SRRM4: variants seen among roughly 807,000 people sequenced by gnomAD.
SRRM4 encodes the protein serine/arginine repetitive matrix protein 4.
Under a neutral mutation model 68.9 loss-of-function variants are expected in SRRM4, and 33 were observed. That is an observed-to-expected ratio of 0.48 (90% confidence interval 0.36 to 0.64). The LOEUF (loss-of-function observed/expected upper bound fraction) is 0.64, where lower values mean the gene tolerates loss of function less well. SRRM4 is among the 30% of genes least tolerant of loss of function. The probability of loss-of-function intolerance (pLI) is 0.00; values close to 1 mark genes in which losing one functional copy is unlikely to be tolerated. For missense variants in SRRM4, 817 were observed against 827.1 expected, an observed-to-expected ratio of 0.99 and a Z score of 0.15; for synonymous variants, 318 against 318.8, an observed-to-expected ratio of 1.00 and a Z score of 0.03.
chr12:119,119,601 G>A (rs1001495465), intron 4 of SRRM4, among the ~76,000 whole-genome samples: 5 of 152,008 alleles, frequency 3.3e-5, no homozygotes, highest in South Asian at 2.1e-4. Flanking sequence ...TTCTCTGATC[G>A]TCAGTGTTTT....
chr12:119,056,883 C>G (rs2136019501), intron 1 of SRRM4, among the ~76,000 whole-genome samples: 1 of 152,260 alleles, frequency 6.6e-6, no homozygotes, highest in East Asian at 1.9e-4. Context: ...AGCAGAGACC[C>G]ACCTGTCTTG....
chr12:119,001,873 C>G (rs982176321), intron 1 of SRRM4: 1 of 151,552 alleles, frequency 6.6e-6, no homozygotes, highest in Non-Finnish European at 1.5e-5. Flanking sequence ...GTCCCAGCTA[C>G]TTGGGAGGCT....
Position 119,033,602 on chromosome 12 carries a change from C to T in SRRM4, c.131+51589C>T, listed in dbSNP as rs537303517. Among the ~76,000 whole-genome samples, 51 of 151,406 alleles carry T rather than the reference C, an allele frequency of 3.4e-4. 1 individual carries two copies. The highest frequency in any genetic ancestry group is 1.2e-3 in the African/African-American group (48 of 41,228). On this transcript the variant is annotated intron_variant, in intron 1 of 12. Transcript: ENST00000267260. ...TCGCTTGAACCCAAGAGGCGGAGGT[C>T]GCCGTGAGCAGAGAATATTCCACTG...
In SRRM4 at chr12:119,125,554, C is replaced by T. The variant is rs1189588981; in HGVS notation, c.614+75C>T. ...GCTAAGACACTGTTAACACTAGCTTCGCCTCCACACTTCCAGCACAGGGTT... is the reference window on the plus strand; with the variant it reads ...GCTAAGACACTGTTAACACTAGCTTTGCCTCCACACTTCCAGCACAGGGTT... On this transcript the variant is annotated intron_variant, in intron 7 of 12. Transcript: ENST00000267260. 3.9e-6 allele frequency: 5 copies of T among 1,287,840 alleles called. No individual in the cohort carries two copies. The African/African-American group carries it at 4.4e-5, about 11-fold the overall frequency. The allele number at this position is 1,287,840 out of a possible 1,614,324, so 79.8% of individuals were successfully genotyped here.
chr12:118,982,056 CT>C, intron 1 of SRRM4, 43 bp downstream of exon 1: 2 of 1,571,884 alleles, frequency 1.3e-6, no homozygotes, highest in South Asian at 2.3e-5. Context: ...GAAGGTCCTC[CT>C]TTCTGGCCTG....
At chr12:119,024,972 T>C (rs1290941604) in intron 1 of SRRM4, among the ~76,000 whole-genome samples, 2 of 152,106 alleles carry the variant, frequency 1.3e-5, no homozygotes, top group Non-Finnish European at 2.9e-5. Context: ...GAGGATACGG[T>C]GCTGCCCTAC....
chr12:119,138,429 T>C (rs1034475269), intron 8 of SRRM4, among the ~76,000 whole-genome samples: 1 of 152,118 alleles, frequency 6.6e-6, no homozygotes, highest in Middle Eastern at 3.2e-3. Flanking sequence ...CAGATAGTAT[T>C]CTCTGGTGCC....
intron 9 of SRRM4, among the ~76,000 whole-genome samples, chr12:119,148,740 A>G (rs949447602): frequency 6.6e-6 from 1 of 152,254 alleles, no homozygotes; most frequent in African/African-American, 2.4e-5. Context: ...TCTAGCAGTT[A>G]CCTGTTTAAT....
chr12:119,156,415 C>G, intron 12 of SRRM4, 80 bp from the exon 13 acceptor site: 1 of 1,479,346 alleles, frequency 6.8e-7, no homozygotes, highest in East Asian at 2.4e-5. Context: ...ATATTGGTTT[C>G]CCTTGGGACA....
At position 119,125,071 on chromosome 12, in the gene SRRM4, G is replaced by A. The variant is rs572903073; in HGVS notation, c.516-310G>A. Among the ~76,000 whole-genome samples, 5 of 152,248 alleles carry A rather than the reference G, an allele frequency of 3.3e-5. No individual in the cohort carries two copies. In the South Asian group the frequency reaches 6.2e-4, roughly 19 times the overall value. On this transcript the variant is annotated intron_variant, in intron 6 of 12. Transcript: ENST00000267260. Reference sequence around the variant, plus strand: ...AGGCGCCTGCCTTGAGTGATGCAGAGGAGACATGGGGAAGTGACTTTCTGC... The same window carrying A: ...AGGCGCCTGCCTTGAGTGATGCAGAAGAGACATGGGGAAGTGACTTTCTGC...
chr12:118,993,415 A>G (rs35995108), intron 1 of SRRM4, among the ~76,000 whole-genome samples: 40,185 of 152,238 alleles, frequency 0.26, 6,066 homozygotes, highest in Middle Eastern at 0.47. Context: ...AGAGTCTCTT[A>G]GAATGACATT....
At chr12:119,109,003 G>A (rs1307134081) in intron 2 of SRRM4, among the ~76,000 whole-genome samples, 1 of 152,150 alleles carries the variant, frequency 6.6e-6, no homozygotes, top group East Asian at 1.9e-4. Flanking sequence ...AGGAGCTCTT[G>A]TAAGGCAGGC....
chr12:119,130,554 CA>C, intron 7 of SRRM4, 123 bp from the exon 8 acceptor site: 2 of 878,876 alleles, frequency 2.3e-6, no homozygotes, highest in South Asian at 3.7e-5. Flanking sequence ...AACAATATCA[CA>C]TATGAACATA....
At chr12:119,029,679 G>A (rs939346474) in intron 1 of SRRM4, among the ~76,000 whole-genome samples, 1 of 152,080 alleles carries the variant, frequency 6.6e-6, no homozygotes, top group Admixed American at 6.5e-5. Flanking sequence ...AAAATGTAGA[G>A]AGTCACCAAC....
chr12:118,990,741 T>G (rs1049626088), intron 1 of SRRM4, among the ~76,000 whole-genome samples: 4 of 152,192 alleles, frequency 2.6e-5, no homozygotes, highest in Non-Finnish European at 5.9e-5. Context: ...AAGAACCTCT[T>G]TGAAAAGCAC....
At chr12:119,087,401 G>T (rs1648724786) in intron 1 of SRRM4, among the ~76,000 whole-genome samples, 1 of 152,196 alleles carries the variant, frequency 6.6e-6, no homozygotes, top group Non-Finnish European at 1.5e-5. Context: ...GTGGAAACAG[G>T]GCCTTTTGCC....
At chr12:118,984,666 A>T (rs1953271401) in intron 1 of SRRM4, among the ~76,000 whole-genome samples, 1 of 152,232 alleles carries the variant, frequency 6.6e-6, no homozygotes, top group African/African-American at 2.4e-5. Context: ...TGCATACATC[A>T]TGCAACTGCA....
At chr12:118,999,621 T>C (rs980259284) in intron 1 of SRRM4, among the ~76,000 whole-genome samples, 1 of 152,226 alleles carries the variant, frequency 6.6e-6, no homozygotes, top group Non-Finnish European at 1.5e-5. Flanking sequence ...CAACAGTGTA[T>C]GTTAGGCATT....
intron 7 of SRRM4, among the ~76,000 whole-genome samples, chr12:119,126,007 C>A (rs1397509655): frequency 7.1e-6 from 1 of 140,612 alleles, no homozygotes; most frequent in Admixed American, 7.4e-5. Context: ...CAACACCATA[C>A]TAGCTGCTTT....
Sources: gnomAD v4.1 joint callset for allele counts (sites outside exome capture counted in the v4.1 genomes callset) on GRCh38, gnomAD v4.1.1 for gene constraint, MANE v1.5 for transcripts, NCBI Gene and HGNC (gene_info 2026-07-23, HGNC 2026-07-21) for gene names.